PALLD: variants seen among roughly 807,000 people sequenced by gnomAD.
PALLD encodes palladin.
PALLD carries 61 observed loss-of-function variants against 123.5 expected under a neutral mutation model. The observed-to-expected ratio is 0.49, with a 90% CI of 0.40 to 0.61. The LOEUF is 0.61. PALLD is among the 20% of genes least tolerant of loss of function. PALLD has a pLI of 0.00. For synonymous variants in PALLD, 465 were observed against 496.4 expected (o/e 0.94, Z 0.84); for missense variants, 1,273 against 1,377.0 (o/e 0.92, Z 1.20).
At chr4:168,639,704 C>T (rs1163928694) in intron 2 of PALLD, among the ~76,000 whole-genome samples, 2 of 149,484 alleles carry the variant, frequency 1.3e-5, no homozygotes, top group Admixed American at 6.6e-5. Flanking sequence ...CTACCACGCC[C>T]AGCTAATTTT....
At chr4:168,898,753 T>G (rs771652742) in intron 14 of PALLD, 39 bp downstream of exon 14, 1 of 1,375,574 alleles carries the variant, frequency 7.3e-7, no homozygotes. Context: ...AGTCATTCTC[T>G]GAGGAAAGGT....
chr4:168,798,242 A>T (rs1023665055), intron 10 of PALLD, among the ~76,000 whole-genome samples: 1 of 152,188 alleles, frequency 6.6e-6, no homozygotes, highest in African/African-American at 2.4e-5. Context: ...TGCCATATCA[A>T]AGGTAAGGAT....
chr4:168,717,978 A>G (rs915809381), intron 10 of PALLD, among the ~76,000 whole-genome samples: 2 of 152,204 alleles, frequency 1.3e-5, no homozygotes, highest in Non-Finnish European at 2.9e-5. Flanking sequence ...TTGCAATGTC[A>G]GTTGGCCACA....
intron 2 of PALLD, among the ~76,000 whole-genome samples, chr4:168,657,293 C>G (rs1778677494): frequency 6.6e-6 from 1 of 152,170 alleles, no homozygotes; most frequent in South Asian, 2.1e-4. Flanking sequence ...CTTTGTTTAA[C>G]CCAGTGCTTG....
intron 10 of PALLD, among the ~76,000 whole-genome samples, chr4:168,814,808 T>G (rs1380653735): frequency 6.6e-6 from 1 of 152,238 alleles, no homozygotes; most frequent in Non-Finnish European, 1.5e-5. Context: ...TCTCGCTCTG[T>G]CACCCAGGCT....
chr4:168,882,233 TA>T (rs1466717080), intron 10 of PALLD, among the ~76,000 whole-genome samples: 1 of 152,178 alleles, frequency 6.6e-6, no homozygotes, highest in African/African-American at 2.4e-5. Context: ...TTCTCCCTCA[TA>T]GGAAACGGGT....
intron 10 of PALLD, among the ~76,000 whole-genome samples, chr4:168,763,249 T>A (rs1733197110): frequency 6.6e-6 from 1 of 152,228 alleles, no homozygotes; most frequent in South Asian, 2.1e-4. Context: ...ACTGTTTTAA[T>A]CTATGAAATT....
chr4:168,762,725 C>T (rs930452400), intron 10 of PALLD, among the ~76,000 whole-genome samples: 4 of 152,164 alleles, frequency 2.6e-5, no homozygotes, highest in African/African-American at 9.7e-5. Context: ...CACACGCACA[C>T]GTATGTTTAT....
At chr4:168,574,717 G>A (rs1275630344) in intron 2 of PALLD, among the ~76,000 whole-genome samples, 2 of 152,072 alleles carry the variant, frequency 1.3e-5, no homozygotes, top group Admixed American at 6.6e-5. Context: ...GAAATATCAA[G>A]TACCAACTCT....
intron 6 of PALLD, among the ~76,000 whole-genome samples, chr4:168,687,735 C>T (rs1210020005): frequency 6.6e-6 from 1 of 152,204 alleles, no homozygotes; most frequent in Non-Finnish European, 1.5e-5. Context: ...TCCTCCCTTG[C>T]AATCCAGCTC....
At chr4:168,778,129 CTTCCTCTTTTCT>C (rs1213383137) in intron 10 of PALLD, among the ~76,000 whole-genome samples, 1 of 152,160 alleles carries the variant, frequency 6.6e-6, no homozygotes, top group Non-Finnish European at 1.5e-5. Context: ...ACAGCTTTTC[CTTCCTCTTTTCT>C]TTCCTGAATT....
chr4:168,600,006 T>TATACATACATGTGTGTACACACACATAC (rs1561290742), intron 2 of PALLD, among the ~76,000 whole-genome samples: 48 of 129,496 alleles, frequency 3.7e-4, no homozygotes, highest in Non-Finnish European at 7.4e-4. Context: ...CACACACGTA[T>TATACATACATGTGTGTACACACACATAC]ATACATACAT....
At chr4:168,553,008 A>G (rs1489119496) in intron 2 of PALLD, among the ~76,000 whole-genome samples, 1 of 152,098 alleles carries the variant, frequency 6.6e-6, no homozygotes, top group Non-Finnish European at 1.5e-5. Flanking sequence ...AATACTTCAT[A>G]TGCTGGGCAA....
At chr4:168,672,714 T>A (rs1166569536) in intron 3 of PALLD, among the ~76,000 whole-genome samples, 2 of 152,170 alleles carry the variant, frequency 1.3e-5, no homozygotes, top group African/African-American at 4.8e-5. Flanking sequence ...CGCCTCGGCC[T>A]CCCAAAGTGC....
intron 10 of PALLD, among the ~76,000 whole-genome samples, chr4:168,726,437 A>G (rs1382369849): frequency 6.6e-6 from 1 of 152,180 alleles, no homozygotes; most frequent in African/African-American, 2.4e-5. Flanking sequence ...CCAGGTACCC[A>G]GGATCATTCA....
intron 10 of PALLD, among the ~76,000 whole-genome samples, chr4:168,803,988 C>T (rs1739760926): frequency 6.6e-6 from 1 of 152,170 alleles, no homozygotes; most frequent in Non-Finnish European, 1.5e-5. Context: ...TGGTGGTATG[C>T]TGTCATCCTT....
intron 17 of PALLD, among the ~76,000 whole-genome samples, chr4:168,918,103 G>A (rs1207433100): frequency 6.6e-6 from 1 of 151,832 alleles, no homozygotes; most frequent in Non-Finnish European, 1.5e-5. Flanking sequence ...GGGGGCTGAG[G>A]CAGGGGAATC....
intron 18 of PALLD, 86 bp downstream of exon 18, chr4:168,921,827 C>A: frequency 9.8e-7 from 1 of 1,018,458 alleles, no homozygotes; most frequent in Non-Finnish European, 1.5e-6. Context: ...CTAACCAATA[C>A]GGAAAATAAA....
intron 1 of PALLD, among the ~76,000 whole-genome samples, chr4:168,511,053 G>A (rs1762482899): frequency 1.3e-5 from 2 of 152,190 alleles, no homozygotes; most frequent in Non-Finnish European, 2.9e-5. Context: ...TTTAGGGTTG[G>A]ATAATCAGAG....
Sources: allele counts gnomAD v4.1 joint callset (sites outside exome capture counted in the v4.1 genomes callset), GRCh38; gene constraint gnomAD v4.1.1; transcripts MANE v1.5; gene names NCBI Gene and HGNC (gene_info 2026-07-23, HGNC 2026-07-21).